Variants in METTL25 observed in about 807,000 individuals in gnomAD.
The protein encoded by METTL25 is methyltransferase like 25.
Under a neutral mutation model 71.6 loss-of-function variants are expected in METTL25, and 64 were observed. The observed-to-expected ratio is 0.89, with a 90% CI of 0.73 to 1.10. The LOEUF is 1.10. METTL25 is among the 50% of genes least tolerant of loss of function. The pLI is 0.00. For missense variants in METTL25, 807 were observed against 707.0 expected (o/e 1.14, Z -1.60); for synonymous variants, 287 against 250.3 (o/e 1.15, Z -1.38).
intron 9 of METTL25, among the ~76,000 whole-genome samples, chr12:82,460,889 A>G (rs546669534): frequency 6.6e-6 from 1 of 152,370 alleles, no homozygotes; most frequent in Admixed American, 6.5e-5. Context: ...CACGCCTGTA[A>G]TCCCAGCACT....
At chr12:82,446,157 A>G (rs1890721067) in intron 8 of METTL25, among the ~76,000 whole-genome samples, 1 of 152,206 alleles carries the variant, frequency 6.6e-6, no homozygotes, top group Non-Finnish European at 1.5e-5. Flanking sequence ...CCAGCACCAG[A>G]GCATGAAAAT....
At chr12:82,414,329 A>G (rs1048145964) in intron 5 of METTL25, among the ~76,000 whole-genome samples, 1 of 152,228 alleles carries the variant, frequency 6.6e-6, no homozygotes, top group African/African-American at 2.4e-5. Flanking sequence ...TGACAGCTGT[A>G]TGTGATCTTC....
At chr12:82,385,255 T>G (rs1043105535) in intron 1 of METTL25, among the ~76,000 whole-genome samples, 10 of 152,160 alleles carry the variant, frequency 6.6e-5, no homozygotes, top group African/African-American at 2.4e-4. Context: ...CTACAAACCC[T>G]CATCACTTAT....
intron 9 of METTL25, among the ~76,000 whole-genome samples, chr12:82,472,341 G>A (rs1212264221): frequency 6.6e-6 from 1 of 152,158 alleles, no homozygotes; most frequent in Non-Finnish European, 1.5e-5. Flanking sequence ...GCTCATGCCT[G>A]TAATCCCAGC....
At chr12:82,436,634 T>C (rs1349804179) in intron 7 of METTL25, among the ~76,000 whole-genome samples, 6 of 151,756 alleles carry the variant, frequency 4.0e-5, no homozygotes, top group Non-Finnish European at 7.4e-5. Context: ...CTGCTGTATT[T>C]TTCTGTGCAT....
At chr12:82,427,717 T>C (rs565626544) in intron 5 of METTL25, among the ~76,000 whole-genome samples, 3 of 152,090 alleles carry the variant, frequency 2.0e-5, no homozygotes, top group South Asian at 4.1e-4. Flanking sequence ...AGATGTTTTA[T>C]GGGTATTCCT....
At position 82,399,143 on chromosome 12, in the gene METTL25, G is replaced by T; in HGVS notation, c.880G>T (p.Glu294Ter). Residue 294 changes from glutamate to a stop codon, truncating the protein, a stop_gained, in exon 4 of 12, where the codon GAA becomes TAA. Transcript: ENST00000248306. LOFTEE classifies it high-confidence loss of function. ...SVISNIRNQMETLHSQPHQEE... is the reference protein window; with the variant it reads ...SVISNIRNQM ...AATTTCTAATATCAGAAACCAAATG[G>T]AAACCCTTCATTCTCAGCCACATCA... 6.2e-7 allele frequency: 1 copy of T among 1,613,678 alleles called. No individual in the cohort carries two copies. The highest frequency in any genetic ancestry group is 8.5e-7 in the Non-Finnish European group (1 of 1,179,834).
chr12:82,445,422 A>G (rs540411069), intron 8 of METTL25, among the ~76,000 whole-genome samples: 1 of 152,330 alleles, frequency 6.6e-6, no homozygotes, highest in East Asian at 1.9e-4. Context: ...GCTATAGTAT[A>G]TAGTGTAATA....
At chr12:82,435,422 G>T (rs975691342) in intron 7 of METTL25, among the ~76,000 whole-genome samples, 3 of 151,258 alleles carry the variant, frequency 2.0e-5, no homozygotes, top group Non-Finnish European at 4.4e-5. Context: ...TGATTACCCT[G>T]GGCCAGAAAC....
intron 8 of METTL25, among the ~76,000 whole-genome samples, chr12:82,453,057 T>A (rs1052800713): frequency 2.0e-5 from 3 of 152,196 alleles, no homozygotes; most frequent in African/African-American, 7.2e-5. Flanking sequence ...AATTAACATG[T>A]ATAACATTTG....
At chr12:82,385,421 C>T (rs1285256400) in intron 1 of METTL25, among the ~76,000 whole-genome samples, 3 of 152,002 alleles carry the variant, frequency 2.0e-5, no homozygotes, top group Non-Finnish European at 4.4e-5. Context: ...TAAACTTCTT[C>T]CCTAGATTGC....
chr12:82,422,694 A>G (rs1187776779), intron 5 of METTL25, among the ~76,000 whole-genome samples: 1 of 152,238 alleles, frequency 6.6e-6, no homozygotes, highest in Non-Finnish European at 1.5e-5. Context: ...CAACTTCAGC[A>G]AAGTCTCAGG....
intron 1 of METTL25, among the ~76,000 whole-genome samples, chr12:82,368,852 C>A (rs1326857715): frequency 6.6e-6 from 1 of 152,162 alleles, no homozygotes; most frequent in African/African-American, 2.4e-5. Context: ...ATAAATGATT[C>A]AACTTCCTAC....
intron 6 of METTL25, among the ~76,000 whole-genome samples, chr12:82,432,602 A>G (rs2717450): frequency 1 from 151,188 of 151,690 alleles, 75,345 homozygotes; most frequent in Middle Eastern, 1. Flanking sequence ...GAACCAAAAC[A>G]AATACTTTGG....
intron 1 of METTL25, among the ~76,000 whole-genome samples, chr12:82,362,526 C>T (rs1350871358): frequency 2.0e-5 from 3 of 152,196 alleles, no homozygotes; most frequent in African/African-American, 7.2e-5. Flanking sequence ...GCATTTTAAA[C>T]ACAGCTGAGC....
intron 8 of METTL25, among the ~76,000 whole-genome samples, chr12:82,448,003 A>G (rs1890882457): frequency 6.6e-6 from 1 of 152,120 alleles, no homozygotes; most frequent in African/African-American, 2.4e-5. Flanking sequence ...CAGTCCAGAA[A>G]GATTTTCACC....
At chr12:82,372,954 A>G (rs1226485378) in intron 1 of METTL25, among the ~76,000 whole-genome samples, 1 of 152,192 alleles carries the variant, frequency 6.6e-6, no homozygotes, top group East Asian at 1.9e-4. Flanking sequence ...CAGCAGAAAC[A>G]CTAGTTTTCC....
intron 1 of METTL25, among the ~76,000 whole-genome samples, chr12:82,383,067 A>G (rs937657632): frequency 1.3e-5 from 2 of 151,946 alleles, no homozygotes; most frequent in African/African-American, 4.8e-5. Context: ...AGGGGAGTGA[A>G]GAAAGTGAAA....
intron 1 of METTL25, among the ~76,000 whole-genome samples, chr12:82,384,024 G>A (rs1240718485): frequency 1.3e-5 from 2 of 151,298 alleles, no homozygotes; most frequent in Admixed American, 6.6e-5. Context: ...CTAGTGGTAT[G>A]GGGTACATAA....
Sources: allele counts gnomAD v4.1 joint callset (sites outside exome capture counted in the v4.1 genomes callset), GRCh38; gene constraint gnomAD v4.1.1; transcripts MANE v1.5; gene names NCBI Gene and HGNC (gene_info 2026-07-23, HGNC 2026-07-21).